Variants in SPATA13 observed in about 807,000 individuals in gnomAD.
SPATA13 encodes the protein spermatogenesis associated 13.
A neutral mutation model predicts 104.0 loss-of-function variants in SPATA13; 50 were observed. The observed-to-expected ratio is 0.48, with a 90% CI of 0.38 to 0.61. The LOEUF (loss-of-function observed/expected upper bound fraction) is 0.61, where lower values mean the gene tolerates loss of function less well. Ranked by LOEUF, SPATA13 falls within the 20% of genes least tolerant of loss-of-function variation. The pLI, the probability that SPATA13 is intolerant of heterozygous loss-of-function variation, is 0.00. For synonymous variants in SPATA13, 606 were observed against 667.5 expected (o/e 0.91, Z 1.42); for missense variants, 1,524 against 1,690.6 (o/e 0.90, Z 1.73).
intron 3 of SPATA13, among the ~76,000 whole-genome samples, chr13:24,062,671 C>T (rs1028701): frequency 0.87 from 132,823 of 152,162 alleles, 59,047 homozygotes; most frequent in East Asian, 0.99. Flanking sequence ...GTGAAGTATC[C>T]TCATGACTGC....
intron 1 of SPATA13, among the ~76,000 whole-genome samples, chr13:24,215,322 G>A (rs1871217157): frequency 6.6e-6 from 1 of 152,190 alleles, no homozygotes; most frequent in Non-Finnish European, 1.5e-5. Context: ...AGAAGCAGAA[G>A]GCATTTCAGC....
rs1211183802 is a variant in SPATA13 at position 24,306,281 on chromosome 13, G to A, written c.*3508G>A. The A allele has an allele frequency of 1.3e-5, 2 of 152,196 alleles. No homozygotes were observed. The highest frequency in any genetic ancestry group is 2.9e-5 in the Non-Finnish European group (2 of 68,028). The allele number at this position is 152,196 out of a possible 1,614,324, so 9.4% of individuals were successfully genotyped here. On this transcript the variant is annotated 3_prime_UTR_variant, in exon 13 of 13. Coordinates refer to ENST00000382108, the MANE Select transcript of SPATA13 (RefSeq NM_001166271.3). ...TTTTATCAGGTGGAAATCTCTGCAA[G>A]CCAAATTGCTGATACTCCTTCATGC...
intron 3 of SPATA13, chr13:24,123,573 T>C (rs1276206949): frequency 1.9e-6 from 3 of 1,609,660 alleles, no homozygotes; most frequent in Non-Finnish European, 2.5e-6. Flanking sequence ...TATAGTCTTT[T>C]GCAGTACCTC....
At chr13:24,294,999 A>G in intron 10 of SPATA13, 131 bp downstream of exon 10, 1 of 888,470 alleles carries the variant, frequency 1.1e-6, no homozygotes, top group Non-Finnish European at 1.6e-6. Context: ...TATACCATTA[A>G]TGGTAAATGT....
chr13:24,134,990 G>T (rs553487353), intron 3 of SPATA13, among the ~76,000 whole-genome samples: 3 of 152,256 alleles, frequency 2.0e-5, no homozygotes, highest in Admixed American at 2.0e-4. Flanking sequence ...TGCATAGAAG[G>T]AAGATGATGT....
In SPATA13 at chr13:24,223,859, C is replaced by A; in HGVS notation, c.930C>A (p.Ser310Arg). 2 of 1,551,698 alleles carry A rather than the reference C, an allele frequency of 1.3e-6. No individual in the cohort carries two copies. Among genetic ancestry groups the A allele is most frequent in the Non-Finnish European group, 1.7e-6 (2 of 1,147,006 alleles). The change falls in exon 2 of 13, where the codon AGC (serine) becomes AGA (arginine). Residue 310 changes from serine to arginine, a missense_variant. Coordinates refer to ENST00000382108, the MANE Select transcript of SPATA13 (RefSeq NM_001166271.3). ...LGSGRTKRWRSPIRAKDFDRV... is the reference protein window; with the variant it reads ...LGSGRTKRWRRPIRAKDFDRV... Reference sequence around the variant, plus strand: ...CAGGAAGGACCAAACGCTGGAGGAGCCCGATAAGGGCCAAGGACTTTGACA... The same window carrying A: ...CAGGAAGGACCAAACGCTGGAGGAGACCGATAAGGGCCAAGGACTTTGACA...
At chr13:24,216,630 G>T (rs1347628074) in intron 1 of SPATA13, among the ~76,000 whole-genome samples, 1 of 152,172 alleles carries the variant, frequency 6.6e-6, no homozygotes, top group Non-Finnish European at 1.5e-5. Flanking sequence ...AAAGGGTAAG[G>T]GGGCTTCTTT....
rs1877623723 is a variant in SPATA13, at chr13:24,307,052, T to A, written c.*4279T>A. 1.3e-5 allele frequency: 2 copies of A among 152,254 alleles called. No homozygotes were observed. Among genetic ancestry groups the A allele is most frequent in the Non-Finnish European group, 2.9e-5 (2 of 68,040 alleles). The allele number at this position is 152,254 out of a possible 1,614,324, so 9.4% of individuals were successfully genotyped here. ...AATCTATATTTGTTGTTTTGTATAT[T>A]AAAATTCATTTGCCAAACTCGTTCT... On this transcript the variant is annotated 3_prime_UTR_variant, in exon 13 of 13. Coordinates refer to ENST00000382108, the MANE Select transcript of SPATA13 (RefSeq NM_001166271.3).
intron 3 of SPATA13, among the ~76,000 whole-genome samples, chr13:24,082,900 C>G (rs941342012): frequency 6.9e-6 from 1 of 145,250 alleles, no homozygotes; most frequent in East Asian, 2.1e-4. Flanking sequence ...AGAAAAACTT[C>G]TAAATCGTCT....
chr13:24,282,314 C>T (rs1875603558), intron 4 of SPATA13, among the ~76,000 whole-genome samples: 1 of 152,168 alleles, frequency 6.6e-6, no homozygotes, highest in Admixed American at 6.5e-5. Context: ...AGTCAGAAAC[C>T]AGACCCATCC....
intron 3 of SPATA13, among the ~76,000 whole-genome samples, chr13:24,142,976 A>T (rs1881810981): frequency 6.6e-6 from 1 of 152,090 alleles, no homozygotes; most frequent in Non-Finnish European, 1.5e-5. Context: ...CTGGTTACAA[A>T]CTGCTTCGGA....
At chr13:24,076,950 G>A (rs1457485758) in intron 3 of SPATA13, among the ~76,000 whole-genome samples, 1 of 151,974 alleles carries the variant, frequency 6.6e-6, no homozygotes, top group African/African-American at 2.4e-5. Flanking sequence ...TTATTCCTAA[G>A]ACAGGCTTTC....
chr13:24,002,718 A>AC (rs942237421), intron 2 of SPATA13, among the ~76,000 whole-genome samples: 17 of 151,726 alleles, frequency 1.1e-4, no homozygotes, highest in Admixed American at 3.9e-4. Flanking sequence ...TGCACCTGTG[A>AC]CCCCCCGAGC....
intron 1 of SPATA13, among the ~76,000 whole-genome samples, chr13:24,175,087 T>G (rs1346872593): frequency 6.6e-6 from 1 of 152,326 alleles, no homozygotes; most frequent in Admixed American, 6.5e-5. Flanking sequence ...TCCATCTTGA[T>G]ATATGTTCCC....
chr13:24,209,523 G>A (rs1320786664), intron 1 of SPATA13, among the ~76,000 whole-genome samples: 1 of 152,152 alleles, frequency 6.6e-6, no homozygotes, highest in Non-Finnish European at 1.5e-5. Flanking sequence ...TGTGGTATTT[G>A]TCTCTCTGTG....
intron 2 of SPATA13, among the ~76,000 whole-genome samples, chr13:23,995,701 G>T (rs1247246317): frequency 1.3e-5 from 2 of 152,174 alleles, no homozygotes; most frequent in Non-Finnish European, 2.9e-5. Context: ...AAAAAATTAG[G>T]CAGAGAAATA....
intron 7 of SPATA13, among the ~76,000 whole-genome samples, chr13:24,287,906 T>C (rs961817324): frequency 2.0e-5 from 3 of 152,214 alleles, no homozygotes; most frequent in Non-Finnish European, 4.4e-5. Flanking sequence ...AATGCTGATA[T>C]CTGCACTATC....
rs142283967 is a variant in SPATA13 at position 24,290,852 on chromosome 13, C to T, written c.3048C>T (p.Ala1016=). Residue 1016 remains alanine (A), a synonymous_variant, in exon 9 of 13, where the codon GCC becomes GCT. Coordinates refer to ENST00000382108, the MANE Select transcript of SPATA13 (RefSeq NM_001166271.3). ...TCTGCAAATACCCGCTGCAGCTGGC[C>T]GAGCTGCTCAAGTATACCACACAGG... ...QKICKYPLQL[A]ELLKYTTQEH... 3,153 of 1,614,016 alleles carry T rather than the reference C, an allele frequency of 2.0e-3. 8 individuals carry two copies. Among genetic ancestry groups the T allele is most frequent in the Middle Eastern group, 2.5e-3 (15 of 6,062 alleles).
chr13:24,085,906 C>T lies in SPATA13; in HGVS notation c.-112+68205C>T, dbSNP rs993022546. Among the ~76,000 whole-genome samples, 3 of 152,238 alleles carry T rather than the reference C, an allele frequency of 2.0e-5. No individual in the cohort carries two copies. In the South Asian group the frequency reaches 6.2e-4, roughly 31 times the overall value. The stretch of plus-strand genomic sequence containing the variant: ...AGGGCGCAGCCACAGAGTAAACAAA[C>T]ACTACAGGTTCTTTAGAAGGCAGAG... On this transcript the variant is annotated intron_variant, in intron 3 of 14. Coordinates refer to the SPATA13 transcript ENST00000424834.
Sources: allele counts gnomAD v4.1 joint callset (sites outside exome capture counted in the v4.1 genomes callset), GRCh38; gene constraint gnomAD v4.1.1; transcripts MANE v1.5; gene names NCBI Gene and HGNC (gene_info 2026-07-23, HGNC 2026-07-21).